The following PCDH15 variants were observed in gnomAD, a reference collection of about 807,000 sequenced individuals.
PCDH15 encodes the protein protocadherin related 15, also known as protocadherin-15.
A neutral mutation model predicts 178.5 loss-of-function variants in PCDH15; 129 were observed. That is an observed-to-expected ratio of 0.72 (90% CI 0.63 to 0.84). PCDH15 has a LOEUF of 0.84. Among genes scored for constraint, PCDH15 ranks in the 40% least tolerant of loss-of-function variants. The probability of loss-of-function intolerance (pLI) is 0.00; values close to 1 mark genes in which losing one functional copy is unlikely to be tolerated. For synonymous variants in PCDH15, 800 were observed against 732.0 expected (o/e 1.09, Z -1.50); for missense variants, 2,230 against 2,099.9 (o/e 1.06, Z -1.21).
intron 1 of PCDH15, among the ~76,000 whole-genome samples, chr10:55,187,067 T>A (rs909144416): frequency 6.6e-6 from 1 of 151,964 alleles, no homozygotes; most frequent in Non-Finnish European, 1.5e-5. Context: ...GAACCTATTA[T>A]ACCTATTCCT....
chr10:54,661,615 A>G (rs2094493620), intron 2 of PCDH15, among the ~76,000 whole-genome samples: 1 of 152,022 alleles, frequency 6.6e-6, no homozygotes, highest in Non-Finnish European at 1.5e-5. Context: ...AAGAAGAAAG[A>G]TGAAGTTGGG....
chr10:54,170,345 G>A (rs577777514), intron 13 of PCDH15, among the ~76,000 whole-genome samples: 1 of 152,140 alleles, frequency 6.6e-6, no homozygotes, highest in South Asian at 2.1e-4. Context: ...ACACCCTGTA[G>A]CCTTTCTGCC....
At chr10:54,832,529 C>T (rs900064241) in intron 3 of PCDH15, among the ~76,000 whole-genome samples, 3 of 152,250 alleles carry the variant, frequency 2.0e-5, no homozygotes, top group South Asian at 2.1e-4. Context: ...CATTTCCATG[C>T]CCACGTGCAT....
chr10:54,757,311 T>C lies in PCDH15; in HGVS notation c.-29+43614A>G, dbSNP rs1281653210. Among the ~76,000 whole-genome samples the C allele has an allele frequency of 7.0e-5, 5 of 71,032 alleles. 1 individual carries two copies. The highest frequency in any genetic ancestry group is 4.1e-4 in the South Asian group (1 of 2,460). 46.6% of individuals were successfully genotyped at this position (71,032 alleles called of 152,430 possible). A position where few individuals can be genotyped will look rare whatever the true frequency, so the allele number is the denominator to read the frequency against. On this transcript the variant is annotated intron_variant, in intron 1 of 37. Transcript: ENST00000644397. ...TTTTTTTTTTTTTTTGAGACGGAGT[T>C]TCGCTCTGTCGCCCAGGCTGGAGCG...
intron 8 of PCDH15, among the ~76,000 whole-genome samples, chr10:54,302,047 A>T (rs975256178): frequency 5.9e-5 from 9 of 152,158 alleles, no homozygotes; most frequent in Admixed American, 6.6e-5. Context: ...CCATTTTTTT[A>T]AAATTCCCAT....
chr10:54,551,558 A>C (rs1024813089), intron 2 of PCDH15, among the ~76,000 whole-genome samples: 1 of 152,178 alleles, frequency 6.6e-6, no homozygotes, highest in Non-Finnish European at 1.5e-5. Flanking sequence ...AAATATAACA[A>C]GCAAAATTTG....
intron 1 of PCDH15, among the ~76,000 whole-genome samples, chr10:55,232,988 T>C (rs1168616130): frequency 1.3e-5 from 2 of 152,150 alleles, no homozygotes; most frequent in Non-Finnish European, 2.9e-5. Flanking sequence ...TAAATGTTCA[T>C]TGCTTTAAAC....
intron 9 of PCDH15, among the ~76,000 whole-genome samples, chr10:54,224,477 C>T (rs936393928): frequency 1.3e-5 from 2 of 152,116 alleles, no homozygotes. Flanking sequence ...CTTAATTCAT[C>T]TAAAAATATA....
chr10:54,819,435 G>A (rs779684716), intron 3 of PCDH15, among the ~76,000 whole-genome samples: 9 of 151,384 alleles, frequency 5.9e-5, no homozygotes, highest in Non-Finnish European at 1.2e-4. Context: ...TACATTATTT[G>A]TTTTAAAAAA....
chr10:54,673,735 G>A (rs2094724367), intron 1 of PCDH15, among the ~76,000 whole-genome samples: 1 of 152,090 alleles, frequency 6.6e-6, no homozygotes, highest in African/African-American at 2.4e-5. Context: ...ACTGTGCCCG[G>A]CCAACATATA....
At chr10:55,420,125 G>A (rs536506511) in intron 2 of PCDH15, among the ~76,000 whole-genome samples, 3 of 151,624 alleles carry the variant, frequency 2.0e-5, no homozygotes, top group Non-Finnish European at 4.4e-5. Context: ...AGACAAAAAC[G>A]TTAGCGTATG....
chr10:54,622,733 T>TTA (rs373397879), intron 2 of PCDH15, among the ~76,000 whole-genome samples: 10 of 35,880 alleles, frequency 2.8e-4, no homozygotes, highest in South Asian at 2.5e-3. Context: ...TATTATATAA[T>TTA]TATATATATA....
chr10:54,216,044 GAAAAA>G (rs10648282), intron 9 of PCDH15, among the ~76,000 whole-genome samples: 14,555 of 69,732 alleles, frequency 0.21, 724 homozygotes, highest in East Asian at 0.6. Context: ...CTCCGTCTCA[GAAAAA>G]AAAAAAAAAA....
intron 2 of PCDH15, among the ~76,000 whole-genome samples, chr10:55,507,954 T>A (rs1009094584): frequency 5.9e-5 from 9 of 151,672 alleles, no homozygotes; most frequent in Admixed American, 4.6e-4. Flanking sequence ...CTAAGGTATA[T>A]CTACATGTAT....
At chr10:53,915,941 G>A (rs971185114) in intron 25 of PCDH15, among the ~76,000 whole-genome samples, 7 of 152,126 alleles carry the variant, frequency 4.6e-5, no homozygotes, top group Non-Finnish European at 1.0e-4. Flanking sequence ...TCATTCCTCA[G>A]TATCTGTGGG....
chr10:54,223,082 T>TG (rs1249584759), intron 9 of PCDH15, among the ~76,000 whole-genome samples: 4 of 152,006 alleles, frequency 2.6e-5, no homozygotes, highest in Admixed American at 6.6e-5. Flanking sequence ...AAGGCTGAGG[T>TG]GGGGGGATCA....
chr10:53,995,407 A>C, intron 21 of PCDH15: 1 of 566,390 alleles, frequency 1.8e-6, no homozygotes, highest in Non-Finnish European at 3.1e-6. Context: ...TAGATAAATT[A>C]GTAATTAGTA....
intron 1 of PCDH15, among the ~76,000 whole-genome samples, chr10:55,195,338 G>C (rs558380668): frequency 2.5e-4 from 38 of 151,408 alleles, no homozygotes; most frequent in Non-Finnish European, 3.2e-4. Flanking sequence ...TTTCATTTTA[G>C]CTTATGTTAG....
At chr10:54,319,852 G>A (rs1167281999) in intron 7 of PCDH15, among the ~76,000 whole-genome samples, 1 of 151,774 alleles carries the variant, frequency 6.6e-6, no homozygotes, top group Non-Finnish European at 1.5e-5. Context: ...TTCCCAGTCT[G>A]GTTGCTCATA....
Sources: gnomAD v4.1 joint callset for allele counts (sites outside exome capture counted in the v4.1 genomes callset) on GRCh38, gnomAD v4.1.1 for gene constraint, MANE v1.5 for transcripts, NCBI Gene and HGNC (gene_info 2026-07-23, HGNC 2026-07-21) for gene names.